Variants in PKHD1 observed in about 807,000 individuals in gnomAD.
PKHD1 encodes the protein fibrocystin.
PKHD1 carries 291 observed loss-of-function variants against 412.0 expected under a neutral mutation model. The ratio of observed to expected loss-of-function variants is 0.71; its 90% confidence interval spans 0.64 to 0.78. The LOEUF (loss-of-function observed/expected upper bound fraction) is 0.78, where lower values mean the gene tolerates loss of function less well. Among genes scored for constraint, PKHD1 ranks in the 30% least tolerant of loss-of-function variants. The pLI is 0.00. For missense variants in PKHD1, 4,825 were observed against 4,950.7 expected (o/e 0.97, Z 0.76); for synonymous variants, 1,777 against 1,821.5 (o/e 0.98, Z 0.62).
chr6:51,812,310 ATAAAGT>A (rs1764820640), intron 52 of PKHD1, among the ~76,000 whole-genome samples: 2 of 152,224 alleles, frequency 1.3e-5, no homozygotes, highest in Non-Finnish European at 2.9e-5. Context: ...AAGAAACAAA[ATAAAGT>A]TAAGAAACCA....
intron 60 of PKHD1, among the ~76,000 whole-genome samples, chr6:51,695,385 C>T (rs191671020): frequency 5.9e-5 from 9 of 151,892 alleles, no homozygotes; most frequent in Admixed American, 5.9e-4. Context: ...ACTGTTATTC[C>T]TGAAACATAA....
At chr6:51,787,897 A>G (rs1164141585) in intron 53 of PKHD1, among the ~76,000 whole-genome samples, 12 of 152,190 alleles carry the variant, frequency 7.9e-5, no homozygotes. Context: ...TCAACTGGAA[A>G]TAAGTTTTGT....
chr6:52,015,395 A>G (rs983121181), intron 34 of PKHD1, among the ~76,000 whole-genome samples: 2 of 152,234 alleles, frequency 1.3e-5, no homozygotes, highest in Non-Finnish European at 1.5e-5. Flanking sequence ...GAATCGGCAA[A>G]TTGTCCTCTG....
intron 50 of PKHD1, among the ~76,000 whole-genome samples, chr6:51,838,531 G>A (rs1769636581): frequency 6.6e-6 from 1 of 152,236 alleles, no homozygotes; most frequent in African/African-American, 2.4e-5. Flanking sequence ...CGTTGAGTGT[G>A]TGAATGCCAG....
intron 52 of PKHD1, among the ~76,000 whole-genome samples, chr6:51,824,005 G>A (rs1420615446): frequency 1.3e-5 from 2 of 152,100 alleles, no homozygotes; most frequent in East Asian, 3.9e-4. Flanking sequence ...AAAACACTGG[G>A]TTGAAGCATG....
At chr6:51,982,174 CG>C (rs1795459299) in intron 35 of PKHD1, among the ~76,000 whole-genome samples, 1 of 40,196 alleles carries the variant, frequency 2.5e-5, no homozygotes, top group Non-Finnish European at 5.4e-5. Context: ...CCACCCCGTC[CG>C]GGAGGGAGGT....
intron 16 of PKHD1, 24 bp downstream of exon 16, chr6:52,058,299 A>G: frequency 1.2e-6 from 2 of 1,613,204 alleles, no homozygotes; most frequent in East Asian, 2.2e-5. Context: ...GTTCAGCTCC[A>G]TGGGACTGGA....
chr6:51,889,067 TG>T (rs1778687112), intron 43 of PKHD1, among the ~76,000 whole-genome samples: 2 of 152,178 alleles, frequency 1.3e-5, no homozygotes, highest in East Asian at 3.9e-4. Context: ...GTGTAAGCCC[TG>T]TGCTACATAG....
intron 60 of PKHD1, among the ~76,000 whole-genome samples, chr6:51,676,052 G>A (rs1338214209): frequency 6.6e-6 from 1 of 152,032 alleles, no homozygotes; most frequent in East Asian, 1.9e-4. Context: ...TGGCAGAGGA[G>A]GAGGAAGGAG....
At chr6:51,697,575 G>A (rs1220850286) in intron 60 of PKHD1, among the ~76,000 whole-genome samples, 2 of 152,148 alleles carry the variant, frequency 1.3e-5, no homozygotes, top group Admixed American at 6.5e-5. Context: ...TCCACTAAAC[G>A]CCCATAAGTA....
At chr6:52,019,910 A>G (rs1002467147) in intron 33 of PKHD1, among the ~76,000 whole-genome samples, 5 of 152,300 alleles carry the variant, frequency 3.3e-5, no homozygotes, top group African/African-American at 9.6e-5. Flanking sequence ...AAAATAGCAA[A>G]AGCACATTTG....
intron 41 of PKHD1, among the ~76,000 whole-genome samples, chr6:51,904,854 T>C (rs1255155485): frequency 6.6e-6 from 1 of 152,212 alleles, no homozygotes; most frequent in Admixed American, 6.5e-5. Flanking sequence ...GTTTCACCTT[T>C]TCCCTTGCAC....
At chr6:52,032,758 C>T (rs902404590) in intron 29 of PKHD1, among the ~76,000 whole-genome samples, 3 of 152,106 alleles carry the variant, frequency 2.0e-5, no homozygotes, top group African/African-American at 7.2e-5. Context: ...TTACTAAATG[C>T]TCAAGGAACA....
intron 66 of PKHD1, among the ~76,000 whole-genome samples, chr6:51,620,695 A>T (rs1371153722): frequency 1.3e-5 from 2 of 151,376 alleles, no homozygotes; most frequent in Admixed American, 1.3e-4. Flanking sequence ...ATACTATAAG[A>T]GACAGTATTG....
chr6:51,887,301 G>A (rs1312176986), intron 43 of PKHD1, 56 bp from the exon 44 acceptor site: 2 of 1,107,398 alleles, frequency 1.8e-6, no homozygotes, highest in East Asian at 2.4e-5. Context: ...TAAGGTTGCT[G>A]GAAAGAAAGA....
At chr6:51,896,386 A>AC (rs1400738482) in intron 43 of PKHD1, among the ~76,000 whole-genome samples, 2 of 151,886 alleles carry the variant, frequency 1.3e-5, no homozygotes, top group South Asian at 4.2e-4. Flanking sequence ...ACTGGGAGGC[A>AC]CCCCCCAACA....
intron 55 of PKHD1, among the ~76,000 whole-genome samples, chr6:51,766,415 C>T (rs1789018322): frequency 6.6e-6 from 1 of 152,032 alleles, no homozygotes; most frequent in Non-Finnish European, 1.5e-5. Flanking sequence ...ATGTGAGCCT[C>T]TGCTCTATTT....
intron 60 of PKHD1, among the ~76,000 whole-genome samples, chr6:51,731,290 G>C (rs1783206086): frequency 6.6e-6 from 1 of 151,988 alleles, no homozygotes; most frequent in African/African-American, 2.4e-5. Flanking sequence ...TATTATTATG[G>C]CAAAAAAATC....
At chr6:51,988,040 AAGT>A (rs1339985021) in intron 35 of PKHD1, among the ~76,000 whole-genome samples, 1 of 152,218 alleles carries the variant, frequency 6.6e-6, no homozygotes, top group East Asian at 1.9e-4. Context: ...GGTGTTTGGT[AAGT>A]ATCATTGTTC....
Sources: gnomAD v4.1 joint callset for allele counts (sites outside exome capture counted in the v4.1 genomes callset) on GRCh38, gnomAD v4.1.1 for gene constraint, MANE v1.5 for transcripts, NCBI Gene and HGNC (gene_info 2026-07-23, HGNC 2026-07-21) for gene names.